The following RBFOX1 variants were observed in gnomAD, a reference collection of about 807,000 sequenced individuals.
RBFOX1 encodes RNA binding fox-1 homolog 1, also known as RNA binding protein fox-1 homolog 1.
A neutral mutation model predicts 57.7 loss-of-function variants in RBFOX1; 8 were observed. That is an observed-to-expected ratio of 0.14 (90% CI 0.08 to 0.25). The LOEUF (loss-of-function observed/expected upper bound fraction) is 0.25, where lower values mean the gene tolerates loss of function less well. Ranked by LOEUF, RBFOX1 falls within the 10% of genes least tolerant of loss-of-function variation. RBFOX1 has a pLI of 1.00. For synonymous variants in RBFOX1, 326 were observed against 222.4 expected (o/e 1.47, Z -4.15); for missense variants, 611 against 548.5 (o/e 1.11, Z -1.14).
chr16:7,560,146 G>C (rs1016765354), intron 5 of RBFOX1, among the ~76,000 whole-genome samples: 10 of 152,200 alleles, frequency 6.6e-5, no homozygotes, highest in African/African-American at 2.4e-4. Context: ...AGACCAGTGC[G>C]ATTCATGTAA....
intron 10 of RBFOX1, chr16:7,614,494 T>C (rs1224149951): frequency 6.6e-6 from 1 of 152,186 alleles, no homozygotes; most frequent in African/African-American, 2.4e-5. Context: ...TCAGATAAGA[T>C]CAGTACTTGC....
intron 15 of RBFOX1, chr16:7,710,038 G>C (rs1211362789): frequency 1.0e-6 from 1 of 1,003,714 alleles, no homozygotes; most frequent in Non-Finnish European, 1.2e-6. Flanking sequence ...TGGCCGGACA[G>C]TTCACTGAAG....
At chr16:6,540,025 C>A (rs998755644) in intron 2 of RBFOX1, among the ~76,000 whole-genome samples, 1 of 152,112 alleles carries the variant, frequency 6.6e-6, no homozygotes, top group Non-Finnish European at 1.5e-5. Flanking sequence ...AGCAACCCTG[C>A]AGTTCAACAG....
At chr16:7,533,128 C>A (rs2080549606) in intron 5 of RBFOX1, among the ~76,000 whole-genome samples, 1 of 152,298 alleles carries the variant, frequency 6.6e-6, no homozygotes, top group African/African-American at 2.4e-5. Flanking sequence ...ACCAAGTGTA[C>A]CCTTTTACCT....
chr16:7,431,017 C>T (rs1215232247), intron 4 of RBFOX1, among the ~76,000 whole-genome samples: 1 of 152,186 alleles, frequency 6.6e-6, no homozygotes, highest in Non-Finnish European at 1.5e-5. Context: ...TCACAATCAT[C>T]AAACAGGAGT....
chr16:7,190,264 C>T (rs1177424729), intron 4 of RBFOX1, among the ~76,000 whole-genome samples: 2 of 152,136 alleles, frequency 1.3e-5, no homozygotes, highest in Non-Finnish European at 2.9e-5. Flanking sequence ...GAGGCTGAGG[C>T]AGGAGAATCA....
intron 5 of RBFOX1, among the ~76,000 whole-genome samples, chr16:7,534,092 T>TTTC (rs2080883700): frequency 1.4e-5 from 2 of 147,358 alleles, no homozygotes; most frequent in Non-Finnish European, 3.0e-5. Context: ...TTTTCTTTTT[T>TTTC]TTTTTTTTTT....
At chr16:5,784,947 G>A (rs544390962) in intron 3 of RBFOX1, among the ~76,000 whole-genome samples, 2 of 152,134 alleles carry the variant, frequency 1.3e-5, no homozygotes, top group Non-Finnish European at 2.9e-5. Flanking sequence ...CCCAGTGTAT[G>A]GTATTTTGTC....
intron 2 of RBFOX1, among the ~76,000 whole-genome samples, chr16:6,325,390 A>T (rs1486672486): frequency 6.6e-6 from 1 of 152,220 alleles, no homozygotes; most frequent in Non-Finnish European, 1.5e-5. Flanking sequence ...TGGATAATGA[A>T]AGCAAATTTC....
At chr16:6,349,484 C>T (rs1361422400) in intron 2 of RBFOX1, among the ~76,000 whole-genome samples, 2 of 152,182 alleles carry the variant, frequency 1.3e-5, no homozygotes, top group African/African-American at 4.8e-5. Flanking sequence ...AAGAAAGGCT[C>T]AAATTGTTCA....
At chr16:6,526,917 A>G (rs1208880416) in intron 2 of RBFOX1, among the ~76,000 whole-genome samples, 1 of 151,628 alleles carries the variant, frequency 6.6e-6, no homozygotes, top group Non-Finnish European at 1.5e-5. Flanking sequence ...CCCATGGTAC[A>G]TAAAAGATAT....
At chr16:5,482,231 A>G (rs1471751670) in intron 2 of RBFOX1, among the ~76,000 whole-genome samples, 1 of 152,202 alleles carries the variant, frequency 6.6e-6, no homozygotes, top group Non-Finnish European at 1.5e-5. Context: ...AGGGTCGGGC[A>G]GCTCAAGCCT....
At chr16:6,320,996 G>T (rs1336344610) in intron 2 of RBFOX1, among the ~76,000 whole-genome samples, 2 of 152,272 alleles carry the variant, frequency 1.3e-5, no homozygotes, top group South Asian at 2.1e-4. Context: ...GTTTTGCCAT[G>T]TTGGCCAGGC....
intron 4 of RBFOX1, among the ~76,000 whole-genome samples, chr16:7,110,917 G>T (rs1224437936): frequency 6.6e-6 from 1 of 152,128 alleles, no homozygotes; most frequent in East Asian, 1.9e-4. Context: ...TTAACTTTGG[G>T]TAGTAAAAGG....
intron 3 of RBFOX1, among the ~76,000 whole-genome samples, chr16:5,717,928 T>A (rs1413316401): frequency 6.6e-6 from 1 of 152,328 alleles, no homozygotes; most frequent in Non-Finnish European, 1.5e-5. Flanking sequence ...GATATCTCTT[T>A]CTGTGGTCAG....
At chr16:7,164,380 G>C (rs540844526) in intron 4 of RBFOX1, among the ~76,000 whole-genome samples, 1 of 152,216 alleles carries the variant, frequency 6.6e-6, no homozygotes, top group East Asian at 1.9e-4. Flanking sequence ...GGGCATTTGG[G>C]CTGGTTCCAT....
At chr16:6,652,816 C>T (rs79502208) in intron 2 of RBFOX1, among the ~76,000 whole-genome samples, 1 of 151,918 alleles carries the variant, frequency 6.6e-6, no homozygotes, top group East Asian at 1.9e-4. Context: ...TGAAAAAATT[C>T]TGGAGATGGA....
At chr16:6,708,571 C>T (rs563790584) in intron 3 of RBFOX1, among the ~76,000 whole-genome samples, 2 of 152,274 alleles carry the variant, frequency 1.3e-5, no homozygotes, top group African/African-American at 2.4e-5. Context: ...TTAAGATGCT[C>T]TTAATTGCTT....
chr16:5,860,594 C>T (rs1201611423), intron 3 of RBFOX1, among the ~76,000 whole-genome samples: 1 of 152,130 alleles, frequency 6.6e-6, no homozygotes, highest in Non-Finnish European at 1.5e-5. Context: ...GCAAAGTTGC[C>T]TGCAGAGATA....
Sources: gnomAD v4.1 joint callset for allele counts (sites outside exome capture counted in the v4.1 genomes callset) on GRCh38, gnomAD v4.1.1 for gene constraint, MANE v1.5 for transcripts, NCBI Gene and HGNC (gene_info 2026-07-23, HGNC 2026-07-21) for gene names.